The following MAML3 variants were observed in gnomAD, a reference collection of about 807,000 sequenced individuals.
MAML3 encodes mastermind-like protein 3.
A neutral mutation model predicts 101.9 loss-of-function variants in MAML3; 27 were observed. That is an observed-to-expected ratio of 0.27 (90% CI 0.20 to 0.37). MAML3 has a LOEUF of 0.37. Among genes scored for constraint, MAML3 ranks in the 10% least tolerant of loss-of-function variants. The pLI is 1.00. For synonymous variants in MAML3, 501 were observed against 555.9 expected, an observed-to-expected ratio of 0.90 and a Z score of 1.39; for missense variants, 1,316 against 1,444.9, an observed-to-expected ratio of 0.91 and a Z score of 1.45.
At chr4:140,049,304 G>A (rs1415799407) in intron 1 of MAML3, among the ~76,000 whole-genome samples, 5 of 152,158 alleles carry the variant, frequency 3.3e-5, no homozygotes, top group Non-Finnish European at 5.9e-5. Flanking sequence ...AGGACCCACC[G>A]GTCACAGACA....
At chr4:139,796,141 G>C (rs1209630056) in intron 2 of MAML3, among the ~76,000 whole-genome samples, 1 of 152,176 alleles carries the variant, frequency 6.6e-6, no homozygotes, top group African/African-American at 2.4e-5. Flanking sequence ...ATAAACAAAG[G>C]ATAAGATCTG....
chr4:139,965,840 C>T (rs868867532), intron 1 of MAML3, among the ~76,000 whole-genome samples: 4 of 152,104 alleles, frequency 2.6e-5, no homozygotes, highest in African/African-American at 4.8e-5. Flanking sequence ...GGGATCCTCC[C>T]GTGTAGCTGG....
intron 1 of MAML3, among the ~76,000 whole-genome samples, chr4:139,964,410 AG>A (rs1245744162): frequency 6.6e-6 from 1 of 152,032 alleles, no homozygotes; most frequent in African/African-American, 2.4e-5. Flanking sequence ...AGACACAAAG[AG>A]GGGAACAACA....
intron 1 of MAML3, among the ~76,000 whole-genome samples, chr4:140,109,274 A>T (rs184553715): frequency 2.6e-4 from 40 of 152,358 alleles, no homozygotes; most frequent in African/African-American, 9.6e-4. Context: ...CAGTATGCAT[A>T]ACAGACTACA....
At chr4:140,129,305 T>C (rs1304668167) in intron 1 of MAML3, among the ~76,000 whole-genome samples, 17 of 152,182 alleles carry the variant, frequency 1.1e-4, no homozygotes. Context: ...AGATGCTATA[T>C]GCAGGAATAA....
intron 1 of MAML3, among the ~76,000 whole-genome samples, chr4:140,057,660 A>C (rs1322144458): frequency 6.6e-6 from 1 of 152,200 alleles, no homozygotes; most frequent in Non-Finnish European, 1.5e-5. Context: ...TATGAATATT[A>C]GTAGTAATAA....
At chr4:139,775,706 A>G (rs1262817039) in intron 2 of MAML3, among the ~76,000 whole-genome samples, 1 of 152,014 alleles carries the variant, frequency 6.6e-6, no homozygotes, top group Non-Finnish European at 1.5e-5. Flanking sequence ...TCCTTGTTTC[A>G]TTGTTGTTGT....
chr4:139,929,352 A>C (rs548333828), intron 1 of MAML3, among the ~76,000 whole-genome samples: 1 of 152,252 alleles, frequency 6.6e-6, no homozygotes, highest in Non-Finnish European at 1.5e-5. Context: ...ATTGGCATTG[A>C]TAATCACCAC....
intron 1 of MAML3, among the ~76,000 whole-genome samples, chr4:139,902,457 G>C (rs1732745531): frequency 6.6e-6 from 1 of 152,160 alleles, no homozygotes; most frequent in African/African-American, 2.4e-5. Flanking sequence ...CATGTCTTTT[G>C]AGTAACTTTG....
intron 2 of MAML3, among the ~76,000 whole-genome samples, chr4:139,753,592 A>G (rs1290131796): frequency 6.6e-6 from 1 of 152,216 alleles, no homozygotes. Context: ...TTACAAAATA[A>G]GTGAAGGGAA....
intron 1 of MAML3, among the ~76,000 whole-genome samples, chr4:139,891,693 A>T (rs1414313842): frequency 6.6e-6 from 1 of 152,248 alleles, no homozygotes; most frequent in Non-Finnish European, 1.5e-5. Context: ...TTTAAAAAAA[A>T]TGCTAAAATA....
intron 1 of MAML3, among the ~76,000 whole-genome samples, chr4:140,031,942 C>A (rs1181769650): frequency 6.6e-6 from 1 of 152,182 alleles, no homozygotes; most frequent in Non-Finnish European, 1.5e-5. Flanking sequence ...CTGGAAGCAA[C>A]TTTTTCAGCA....
At chr4:140,086,364 A>G (rs1727951636) in intron 1 of MAML3, among the ~76,000 whole-genome samples, 1 of 152,172 alleles carries the variant, frequency 6.6e-6, no homozygotes, top group South Asian at 2.1e-4. Flanking sequence ...TCCAGTATCC[A>G]TTTCTTTCAT....
At chr4:139,802,658 T>C (rs1730629483) in intron 2 of MAML3, among the ~76,000 whole-genome samples, 1 of 152,160 alleles carries the variant, frequency 6.6e-6, no homozygotes, top group South Asian at 2.1e-4. Context: ...TGGCACAGCC[T>C]TCCTGGTGAG....
chr4:139,824,417 G>C (rs1167091156), intron 2 of MAML3, among the ~76,000 whole-genome samples: 1 of 152,204 alleles, frequency 6.6e-6, no homozygotes, highest in Admixed American at 6.5e-5. Flanking sequence ...CAGTTGCTGA[G>C]AGGTAATAAT....
chr4:139,822,225 T>TCAC (rs34942904), intron 2 of MAML3, among the ~76,000 whole-genome samples: 26,484 of 126,414 alleles, frequency 0.21, 3,218 homozygotes, highest in East Asian at 0.44. Flanking sequence ...ATTATCACCA[T>TCAC]CACCACCACC....
chr4:139,931,538 T>C (rs1170434416), intron 1 of MAML3, among the ~76,000 whole-genome samples: 1 of 152,216 alleles, frequency 6.6e-6, no homozygotes, highest in Non-Finnish European at 1.5e-5. Context: ...GATCGTATCC[T>C]CTAATTTTTT....
At chr4:140,139,627 T>G (rs1183657840) in intron 1 of MAML3, among the ~76,000 whole-genome samples, 1 of 152,232 alleles carries the variant, frequency 6.6e-6, no homozygotes, top group Non-Finnish European at 1.5e-5. Flanking sequence ...AAATAAAATG[T>G]TTTCCAAAGG....
chr4:139,931,673 C>T (rs747760683), intron 1 of MAML3, among the ~76,000 whole-genome samples: 65 of 151,876 alleles, frequency 4.3e-4, no homozygotes, highest in Non-Finnish European at 7.9e-4. Flanking sequence ...AGTCTCCTTC[C>T]GTAATCTCCC....
Sources: allele counts gnomAD v4.1 joint callset (sites outside exome capture counted in the v4.1 genomes callset), GRCh38; gene constraint gnomAD v4.1.1; transcripts MANE v1.5; gene names NCBI Gene and HGNC (gene_info 2026-07-23, HGNC 2026-07-21).